Variants in ULK4 observed in about 807,000 individuals in gnomAD.
ULK4 encodes inactive serine/threonine-protein kinase ULK4.
Under a neutral mutation model 160.6 loss-of-function variants are expected in ULK4, and 133 were observed. The observed-to-expected ratio is 0.83, with a 90% CI of 0.72 to 0.96. The LOEUF (loss-of-function observed/expected upper bound fraction) is 0.96, where lower values mean the gene tolerates loss of function less well. Among genes scored for constraint, ULK4 ranks in the 40% least tolerant of loss-of-function variants. The pLI is 0.00. For synonymous variants in ULK4, 534 were observed against 539.8 expected, an observed-to-expected ratio of 0.99 and a Z score of 0.15; for missense variants, 1,580 against 1,499.5, an observed-to-expected ratio of 1.05 and a Z score of -0.89.
At chr3:41,711,295 A>C (rs952077792) in intron 25 of ULK4, among the ~76,000 whole-genome samples, 4 of 152,178 alleles carry the variant, frequency 2.6e-5, no homozygotes, top group African/African-American at 9.7e-5. Context: ...CAAAGATGGG[A>C]GTTTCAGCAG....
intron 35 of ULK4, among the ~76,000 whole-genome samples, chr3:41,331,054 A>G (rs912656717): frequency 2.0e-5 from 3 of 152,220 alleles, no homozygotes; most frequent in African/African-American, 7.2e-5. Context: ...GCTGTTACTA[A>G]ACTCCCTAGT....
chr3:41,720,252 A>AGT (rs536586562), intron 22 of ULK4, among the ~76,000 whole-genome samples: 425 of 152,312 alleles, frequency 2.8e-3, no homozygotes, highest in Non-Finnish European at 3.6e-3. Flanking sequence ...ACTCTAATTA[A>AGT]GTGTTCAATA....
At chr3:41,805,092 A>T (rs1387968586) in intron 19 of ULK4, among the ~76,000 whole-genome samples, 1 of 152,092 alleles carries the variant, frequency 6.6e-6, no homozygotes, top group Non-Finnish European at 1.5e-5. Flanking sequence ...CATTTTCACG[A>T]TACTGATTCT....
intron 19 of ULK4, among the ~76,000 whole-genome samples, chr3:41,809,428 A>T (rs1357655945): frequency 1.3e-5 from 2 of 152,164 alleles, no homozygotes. Flanking sequence ...TCAATCCACA[A>T]ATGTGAAACA....
At chr3:41,479,422 C>G (rs545306623) in intron 32 of ULK4, among the ~76,000 whole-genome samples, 2 of 152,296 alleles carry the variant, frequency 1.3e-5, no homozygotes, top group Admixed American at 1.3e-4. Flanking sequence ...TGAACTGGAT[C>G]ACAGGATAAA....
rs61513730 is a variant in ULK4 at position 41,324,106 on chromosome 3, A to T, written c.3678+73973T>A. Among the ~76,000 whole-genome samples, 834 of 152,322 alleles carry T rather than the reference A, an allele frequency of 5.5e-3. 13 individuals are homozygous for T. The highest frequency in any genetic ancestry group is 0.019 in the African/African-American group (792 of 41,572). ...TGGTTACTTCAGCTGGGGCCTTAGC[A>T]TCAAGAAGGCAGCCCATTCTCTTCC... is the stretch of plus-strand genomic sequence containing the variant. On this transcript the variant is annotated intron_variant, in intron 35 of 36. Coordinates refer to ENST00000301831, the MANE Select transcript of ULK4 (RefSeq NM_017886.4).
In ULK4 at chr3:41,334,524, C is replaced by T. The variant is rs557590365; in HGVS notation, c.3678+63555G>A. Among the ~76,000 whole-genome samples, 11 of 152,268 alleles carry T rather than the reference C, an allele frequency of 7.2e-5. No individual in the cohort carries two copies. The South Asian group carries it at 2.3e-3, about 32-fold the overall frequency. Reference sequence around the variant, plus strand: ...AAAAATTGGTACACATACTTTAAAGCATGCCCATAAATATATATAAAAAGT... The same window carrying T: ...AAAAATTGGTACACATACTTTAAAGTATGCCCATAAATATATATAAAAAGT... On this transcript the variant is annotated intron_variant, in intron 35 of 36. Transcript: ENST00000301831.
intron 35 of ULK4, among the ~76,000 whole-genome samples, chr3:41,385,472 T>G (rs763044170): frequency 2.8e-4 from 43 of 151,658 alleles, no homozygotes; most frequent in Non-Finnish European, 5.4e-4. Flanking sequence ...AATGACAGAT[T>G]GGAGAAAAAA....
At chr3:41,303,719 A>G (rs983592742) in intron 35 of ULK4, among the ~76,000 whole-genome samples, 3 of 152,146 alleles carry the variant, frequency 2.0e-5, no homozygotes, top group Non-Finnish European at 4.4e-5. Flanking sequence ...GACATGCTCA[A>G]GTCTGTAATT....
At chr3:41,657,478 A>C (rs1322996358) in intron 30 of ULK4, among the ~76,000 whole-genome samples, 1 of 152,142 alleles carries the variant, frequency 6.6e-6, no homozygotes, top group Non-Finnish European at 1.5e-5. Context: ...ATATTTGGAA[A>C]TCTATCTGCA....
intron 29 of ULK4, among the ~76,000 whole-genome samples, chr3:41,675,300 C>A (rs548729219): frequency 1.0e-3 from 157 of 151,672 alleles, no homozygotes; most frequent in South Asian, 3.3e-3. Flanking sequence ...TGAGATCATC[C>A]TGGGTTAGGC....
chr3:41,885,728 G>A (rs1697697670), intron 16 of ULK4, among the ~76,000 whole-genome samples: 1 of 150,924 alleles, frequency 6.6e-6, no homozygotes, highest in Admixed American at 6.6e-5. Context: ...TGTCACCCAA[G>A]CCAGAGTGCA....
chr3:41,602,462 A>G (rs1186198554), intron 31 of ULK4, among the ~76,000 whole-genome samples: 1 of 152,066 alleles, frequency 6.6e-6, no homozygotes, highest in African/African-American at 2.4e-5. Flanking sequence ...AGAAAGACAG[A>G]AAACTAGAGA....
chr3:41,568,826 T>G (rs114395676), intron 31 of ULK4, among the ~76,000 whole-genome samples: 2 of 152,100 alleles, frequency 1.3e-5, no homozygotes, highest in East Asian at 3.9e-4. Context: ...TCAGACCCCA[T>G]AGGGCGAGGG....
chr3:41,558,310 G>C (rs910466903), intron 32 of ULK4, among the ~76,000 whole-genome samples: 1 of 152,056 alleles, frequency 6.6e-6, no homozygotes, highest in African/African-American at 2.4e-5. Context: ...ATGTACCAAA[G>C]CCCCAAAACT....
chr3:41,539,733 A>G (rs1297022334), intron 32 of ULK4, among the ~76,000 whole-genome samples: 3 of 152,188 alleles, frequency 2.0e-5, no homozygotes, highest in Non-Finnish European at 4.4e-5. Context: ...TTCAGTAGCT[A>G]CTTACATCAC....
At chr3:41,502,657 CA>C (rs1245703680) in intron 32 of ULK4, among the ~76,000 whole-genome samples, 3 of 152,180 alleles carry the variant, frequency 2.0e-5, no homozygotes, top group Non-Finnish European at 2.9e-5. Flanking sequence ...GAATGAATCT[CA>C]AAAGCATTTT....
chr3:41,592,317 T>C (rs1005101164), intron 31 of ULK4, among the ~76,000 whole-genome samples: 1 of 152,198 alleles, frequency 6.6e-6, no homozygotes, highest in Non-Finnish European at 1.5e-5. Context: ...GGAAAAGCCC[T>C]GTGGGCTCTC....
chr3:41,823,714 A>G (rs1408858014), intron 18 of ULK4, among the ~76,000 whole-genome samples: 1 of 152,166 alleles, frequency 6.6e-6, no homozygotes, highest in African/African-American at 2.4e-5. Flanking sequence ...TCAAACTGAC[A>G]ATTCCACAAA....
Sources: gnomAD v4.1 joint callset for allele counts (sites outside exome capture counted in the v4.1 genomes callset) on GRCh38, gnomAD v4.1.1 for gene constraint, MANE v1.5 for transcripts, NCBI Gene and HGNC (gene_info 2026-07-23, HGNC 2026-07-21) for gene names.